Variants in CASZ1 observed in about 807,000 individuals in gnomAD.
The protein encoded by CASZ1 is castor zinc finger 1, also known as zinc finger protein castor homolog 1.
CASZ1 carries 28 observed loss-of-function variants against 135.2 expected under a neutral mutation model. The observed-to-expected ratio is 0.21, with a 90% CI of 0.15 to 0.28. The LOEUF is 0.28. CASZ1 is among the 10% of genes least tolerant of loss of function. The pLI, the probability that CASZ1 is intolerant of heterozygous loss-of-function variation, is 1.00. For missense variants in CASZ1, 2,161 were observed against 2,453.3 expected (o/e 0.88, Z 2.52); for synonymous variants, 1,068 against 1,073.4 (o/e 0.99, Z 0.10).
chr1:10,789,597 C>T (rs1306457650), intron 1 of CASZ1, among the ~76,000 whole-genome samples: 1 of 151,994 alleles, frequency 6.6e-6, no homozygotes, highest in Non-Finnish European at 1.5e-5. Flanking sequence ...CACTCTCTTT[C>T]TCTACGTGTC....
At chr1:10,766,130 T>C (rs959344510) in intron 1 of CASZ1, among the ~76,000 whole-genome samples, 4 of 151,776 alleles carry the variant, frequency 2.6e-5, no homozygotes, top group African/African-American at 9.7e-5. Context: ...CCACTGATGA[T>C]CTATCTGCAG....
rs201085072 is a variant in CASZ1, at chr1:10,711,585, CAAA to C, written c.-76-6044_-76-6042del. Among the ~76,000 whole-genome samples the C allele has an allele frequency of 5.1e-5, 5 of 97,546 alleles. No individual in the cohort carries two copies. The highest frequency in any genetic ancestry group is 2.2e-4 in the Admixed American group (2 of 8,940). The allele number at this position is 97,546 out of a possible 152,430, so 64.0% of individuals were successfully genotyped here. ...CCAGAAAAAATGGAAAACAGGTACT[CAAA>C]AAAAAAAAAAAAAGAAAAACAAACA... is the stretch of plus-strand genomic sequence containing the variant. On this transcript the variant is annotated intron_variant, in intron 2 of 20. Transcript: ENST00000377022. This position sits in a 1 kb window ranked among gnomAD's most constrained non-coding sequence, Gnocchi z 4.4.
chr1:10,702,968 G>GAGAGAA (rs1415902428), intron 3 of CASZ1, among the ~76,000 whole-genome samples: 1 of 151,670 alleles, frequency 6.6e-6, no homozygotes, highest in African/African-American at 2.4e-5. Flanking sequence ...GAGGCAGAGA[G>GAGAGAA]AGAGAGAGAG....
intron 4 of CASZ1, among the ~76,000 whole-genome samples, chr1:10,683,681 A>G (rs1043351791): frequency 1.3e-5 from 2 of 152,138 alleles, no homozygotes; most frequent in African/African-American, 4.8e-5. Context: ...CACAGAGACA[A>G]GTCGGAGTGC....
intron 1 of CASZ1, among the ~76,000 whole-genome samples, chr1:10,778,702 A>C (rs956748590): frequency 2.0e-5 from 3 of 152,154 alleles, no homozygotes; most frequent in Non-Finnish European, 4.4e-5. Context: ...TCCCAGGCAA[A>C]CGTGTCCTTG....
At chr1:10,643,424 G>T in intron 18 of CASZ1, 113 bp from the exon 19 acceptor site, 1 of 1,162,418 alleles carries the variant, frequency 8.6e-7, no homozygotes. Context: ...TAAGGCAGAT[G>T]GTATCTGGGG....
intron 7 of CASZ1, 30 bp downstream of exon 7, chr1:10,658,478 T>C: frequency 6.3e-7 from 1 of 1,595,938 alleles, no homozygotes; most frequent in Non-Finnish European, 8.6e-7. Flanking sequence ...CCACCTTCTC[T>C]CCACGGCAGG....
chr1:10,643,339 G>A, intron 18 of CASZ1, 28 bp from the exon 19 acceptor site: 1 of 1,610,096 alleles, frequency 6.2e-7, no homozygotes, highest in South Asian at 1.1e-5. Flanking sequence ...CCTGGCATGA[G>A]CCCCCAGCTG....
Position 10,709,067 on chromosome 1 carries a change from G to A in CASZ1, c.-76-3523C>T, listed in dbSNP as rs1639232919. Among the ~76,000 whole-genome samples the A allele has an allele frequency of 6.6e-6, 1 of 152,232 alleles. No homozygotes were observed. Among genetic ancestry groups the A allele is most frequent in the Admixed American group, 6.5e-5 (1 of 15,298 alleles). On this transcript the variant is annotated intron_variant, in intron 2 of 20. Coordinates refer to ENST00000377022, the MANE Select transcript of CASZ1 (RefSeq NM_001079843.3). This position sits in a 1 kb window ranked among gnomAD's most constrained non-coding sequence, Gnocchi z 5.1. ...GAAGTGGCAGGGACCAGCGTACCAG[G>A]ACCTGAAGGGGCCTCCTCCATCTGC...
Position 10,645,190 on chromosome 1 carries a change from TCTC to T in CASZ1, c.3697-105_3697-103del, listed in dbSNP as rs757108538. 616 of 985,568 alleles carry T rather than the reference TCTC, an allele frequency of 6.3e-4. 1 individual carries two copies. The highest frequency in any genetic ancestry group is 2.0e-3 in the Admixed American group (86 of 43,838). The allele number at this position is 985,568 out of a possible 1,614,324, so 61.1% of individuals were successfully genotyped here. The stretch of plus-strand genomic sequence containing the variant: ...GGTGGGCCCTTGGCACATGTGTTCT[TCTC>T]TGCTCAGAAGCTGATGATCATAGAA... On this transcript the variant is annotated intron_variant, in intron 17 of 20. Transcript: ENST00000377022.
Position 10,666,821 on chromosome 1 carries a change from C to A in CASZ1, c.17-1250G>T, listed in dbSNP as rs773547090. Among the ~76,000 whole-genome samples, 2 of 152,232 alleles carry A rather than the reference C, an allele frequency of 1.3e-5. No homozygotes were observed. Among genetic ancestry groups the A allele is most frequent in the African/African-American group, 4.8e-5 (2 of 41,456 alleles). On this transcript the variant is annotated intron_variant, in intron 4 of 20. Coordinates refer to ENST00000377022, the MANE Select transcript of CASZ1 (RefSeq NM_001079843.3). The surrounding 1 kb of genome is among the most constrained non-coding windows in gnomAD (Gnocchi z 5.2). ...CGCACACACACGCGTGCACACACAGCGCAGCCACATGGAACTGTCTGTCTG... is the reference window on the plus strand; with the variant it reads ...CGCACACACACGCGTGCACACACAGAGCAGCCACATGGAACTGTCTGTCTG...
At chr1:10,693,797 G>T in intron 4 of CASZ1, 77 bp downstream of exon 4, 1 of 1,372,572 alleles carries the variant, frequency 7.3e-7, no homozygotes, top group Non-Finnish European at 1.0e-6. Flanking sequence ...CACCTCATTG[G>T]GCTAAAAATA....
rs1639031629 is a variant in CASZ1, at chr1:10,700,131, G to GGACC, written c.-24+5357_-24+5360dup. The stretch of plus-strand genomic sequence containing the variant: ...CACACACACACAGAGTATGAAGCAG[G>GGACC]GACCTGGGCTAGTTGGGTTGCCCTG... On this transcript the variant is annotated intron_variant, in intron 3 of 20. Transcript: ENST00000377022. This position sits in a 1 kb window ranked among gnomAD's most constrained non-coding sequence, Gnocchi z 4.2. Among the ~76,000 whole-genome samples, 1 of 88,880 alleles carries GGACC rather than the reference G, an allele frequency of 1.1e-5. No individual in the cohort carries two copies. The highest frequency in any genetic ancestry group is 2.4e-5 in the Non-Finnish European group (1 of 41,432). 58.3% of individuals were successfully genotyped at this position (88,880 alleles called of 152,430 possible).
At chr1:10,659,101 TC>T (rs140800561) in intron 6 of CASZ1, among the ~76,000 whole-genome samples, 6,352 of 152,166 alleles carry the variant, frequency 0.042, 189 homozygotes, top group South Asian at 0.12. Flanking sequence ...CCCAGGCCGT[TC>T]CCCTGCCCAT....
chr1:10,787,577 G>C (rs1640881247), intron 1 of CASZ1, among the ~76,000 whole-genome samples: 1 of 152,176 alleles, frequency 6.6e-6, no homozygotes, highest in Admixed American at 6.5e-5. Context: ...AGCAATTAGT[G>C]CTGGGGAAGG....
At chr1:10,716,429 G>A (rs1034202020) in intron 2 of CASZ1, among the ~76,000 whole-genome samples, 2 of 152,234 alleles carry the variant, frequency 1.3e-5, no homozygotes, top group African/African-American at 4.8e-5. Context: ...TGGGGACCCC[G>A]GCTTAAATCT....
chr1:10,648,849 G>A, intron 15 of CASZ1: 1 of 580,980 alleles, frequency 1.7e-6, no homozygotes, highest in Non-Finnish European at 3.0e-6. Context: ...GTTGCTCAGG[G>A]TCCCAGGAAG....
intron 13 of CASZ1, chr1:10,650,157 A>C (rs1159314200): frequency 6.6e-6 from 1 of 152,288 alleles, no homozygotes; most frequent in Non-Finnish European, 1.5e-5. Flanking sequence ...TAACCGAATT[A>C]ATCTTGCTGT....
rs1557556314 is a variant in CASZ1, at chr1:10,759,977, G to T, written c.-77+724C>A. On this transcript the variant is annotated intron_variant, in intron 2 of 20. Coordinates refer to ENST00000377022, the MANE Select transcript of CASZ1 (RefSeq NM_001079843.3). This position sits in a 1 kb window ranked among gnomAD's most constrained non-coding sequence, Gnocchi z 4.2. The stretch of plus-strand genomic sequence containing the variant: ...CAGCATGCAATGAGTCACCCAATGT[G>T]TGTCAACCCCTCACCCCAAGAACTG... 6.6e-6 allele frequency among the ~76,000 whole-genome samples: 1 copy of T among 152,170 alleles called. No homozygotes were observed. Among genetic ancestry groups the T allele is most frequent in the Non-Finnish European group, 1.5e-5 (1 of 68,028 alleles).
Sources: gnomAD v4.1 joint callset for allele counts (sites outside exome capture counted in the v4.1 genomes callset) on GRCh38, gnomAD v4.1.1 for gene constraint, Gnocchi (gnomAD v3.1) non-coding constraint, MANE v1.5 for transcripts, NCBI Gene and HGNC (gene_info 2026-07-23, HGNC 2026-07-21) for gene names.